The following RPS6KC1 variants were observed in gnomAD, a reference collection of about 807,000 sequenced individuals.
RPS6KC1 encodes the protein ribosomal protein S6 kinase C1.
RPS6KC1 carries 54 observed loss-of-function variants against 103.8 expected under a neutral mutation model. The ratio of observed to expected loss-of-function variants is 0.52; its 90% confidence interval spans 0.42 to 0.65. RPS6KC1 has a LOEUF of 0.65. RPS6KC1 is among the 30% of genes least tolerant of loss of function. The pLI is 0.00. For synonymous variants in RPS6KC1, 439 were observed against 438.7 expected, an observed-to-expected ratio of 1.00 and a Z score of -0.01; for missense variants, 1,151 against 1,253.8, an observed-to-expected ratio of 0.92 and a Z score of 1.24.
chr1:213,496,162 A>G, the RPS6KC1 span, among the ~76,000 whole-genome samples: 1 of 152,336 alleles, frequency 6.6e-6, no homozygotes, highest in South Asian at 2.1e-4. Context: ...CAAATATTAG[A>G]AAATAAAGAC....
chr1:213,602,001 CT>C, the RPS6KC1 span, among the ~76,000 whole-genome samples: 119 of 35,522 alleles, frequency 3.4e-3, 21 homozygotes, highest in African/African-American at 1.0e-2. Context: ...TCTTTCTTTT[CT>C]TTTCTTTTCT....
chr1:213,499,406 C>T, the RPS6KC1 span, among the ~76,000 whole-genome samples: 276 of 152,238 alleles, frequency 1.8e-3, 1 homozygote, highest in South Asian at 9.1e-3. Flanking sequence ...ACAATTTTTC[C>T]GTAGTAGGTC....
chr1:213,072,409 A>G (rs1043563420), intron 2 of RPS6KC1, among the ~76,000 whole-genome samples: 1 of 152,118 alleles, frequency 6.6e-6, no homozygotes. Context: ...TTAGCTGGGC[A>G]TGGTGGCAGG....
chr1:213,397,555 G>A, the RPS6KC1 span, among the ~76,000 whole-genome samples: 2 of 149,854 alleles, frequency 1.3e-5, no homozygotes, highest in Non-Finnish European at 3.0e-5. Flanking sequence ...GGGTGTGAGG[G>A]GTGCTGAGGC....
the RPS6KC1 span, among the ~76,000 whole-genome samples, chr1:213,291,692 A>T: frequency 6.6e-6 from 1 of 152,190 alleles, no homozygotes; most frequent in African/African-American, 2.4e-5. Flanking sequence ...TGGGAGTCCG[A>T]GTGAGTTGCT....
chr1:213,329,283 T>C, the RPS6KC1 span, among the ~76,000 whole-genome samples: 1 of 152,016 alleles, frequency 6.6e-6, no homozygotes. Context: ...ACCCATGGAG[T>C]CACAGATTTA....
intron 8 of RPS6KC1, among the ~76,000 whole-genome samples, chr1:213,219,537 C>T (rs902558091): frequency 1.4e-4 from 21 of 152,188 alleles, no homozygotes; most frequent in Non-Finnish European, 2.1e-4. Context: ...ATAACACATG[C>T]TGCTATAAAG....
chr1:213,808,776 G>A, the RPS6KC1 span, among the ~76,000 whole-genome samples: 1 of 152,206 alleles, frequency 6.6e-6, no homozygotes, highest in Non-Finnish European at 1.5e-5. Flanking sequence ...CACACGGTGC[G>A]CTGCACCCAC....
At chr1:213,826,880 C>T in the RPS6KC1 span, among the ~76,000 whole-genome samples, 2,786 of 152,262 alleles carry the variant, frequency 0.018, 37 homozygotes, top group Non-Finnish European at 0.027. Flanking sequence ...CAAGATTTCA[C>T]GACAGGATTT....
At position 213,129,818 on chromosome 1, in the gene RPS6KC1, A is replaced by G; in HGVS notation, c.764A>G (p.Glu255Gly). The G allele has an allele frequency of 6.2e-7, 1 of 1,613,566 alleles. No individual in the cohort carries two copies. Among genetic ancestry groups the G allele is most frequent in the South Asian group, 1.1e-5 (1 of 90,980 alleles). Residue 255 changes from glutamate (E) to glycine (G), a missense_variant, in exon 6 of 15, where the codon GAA (glutamate) becomes GGA (glycine). Physicochemically the swap from Glu to Gly is moderately conservative, Grantham distance 98. Transcript: ENST00000366960. ...ATAAAGCTGGCTTTAAAAAAGGAAG[A>G]AGAAGACGACTATGAAGCTGCTTCT... ...ELIKLALKKE[E>G]EDDYEAASDF...
At chr1:213,137,799 ATTTTTTTTTTTTTTT>A (rs869154560) in intron 6 of RPS6KC1, among the ~76,000 whole-genome samples, 16 of 13,996 alleles carry the variant, frequency 1.1e-3, no homozygotes, top group African/African-American at 2.6e-3. Context: ...ATATATATAT[ATTTTTTTTTTTTTTT>A]TTTTTTTTTT....
At chr1:213,824,992 C>T in the RPS6KC1 span, among the ~76,000 whole-genome samples, 4 of 152,194 alleles carry the variant, frequency 2.6e-5, no homozygotes, top group African/African-American at 4.8e-5. Context: ...CAGCAGGCTT[C>T]TGCCCCCTCC....
At chr1:213,723,129 G>A in the RPS6KC1 span, among the ~76,000 whole-genome samples, 10 of 152,164 alleles carry the variant, frequency 6.6e-5, no homozygotes, top group Non-Finnish European at 1.0e-4. Context: ...GCAGTGAGCC[G>A]AGATCCCGCC....
chr1:213,194,327 AG>A (rs1407971695), intron 8 of RPS6KC1, among the ~76,000 whole-genome samples: 5 of 152,144 alleles, frequency 3.3e-5, no homozygotes, highest in African/African-American at 1.2e-4. Context: ...TTGATAGTTT[AG>A]GACGTACTTC....
the RPS6KC1 span, among the ~76,000 whole-genome samples, chr1:213,808,652 G>C: frequency 6.6e-6 from 1 of 152,226 alleles, no homozygotes; most frequent in Non-Finnish European, 1.5e-5. Context: ...ATTTGGGTGG[G>C]AGTGACCCGA....
At chr1:213,538,031 G>C in the RPS6KC1 span, among the ~76,000 whole-genome samples, 4 of 152,176 alleles carry the variant, frequency 2.6e-5, no homozygotes, top group East Asian at 1.9e-4. Context: ...AGGGGGAAGA[G>C]AGCATGGTCC....
chr1:213,737,365 T>C, the RPS6KC1 span, among the ~76,000 whole-genome samples: 5 of 152,168 alleles, frequency 3.3e-5, no homozygotes, highest in African/African-American at 1.2e-4. Context: ...TAGAACATAC[T>C]CACCATGACC....
chr1:213,817,273 G>A, the RPS6KC1 span, among the ~76,000 whole-genome samples: 2 of 152,198 alleles, frequency 1.3e-5, no homozygotes, highest in Non-Finnish European at 2.9e-5. Context: ...TCCGTCCCTG[G>A]ACCTCCCTGA....
intron 5 of RPS6KC1, among the ~76,000 whole-genome samples, chr1:213,118,629 G>A (rs889679157): frequency 6.6e-6 from 1 of 151,986 alleles, no homozygotes; most frequent in East Asian, 1.9e-4. Context: ...TATTTATTAT[G>A]TGGGCTGGTG....
Sources: gnomAD v4.1 joint callset for allele counts (sites outside exome capture counted in the v4.1 genomes callset) on GRCh38, gnomAD v4.1.1 for gene constraint, MANE v1.5 for transcripts, NCBI Gene and HGNC (gene_info 2026-07-23, HGNC 2026-07-21) for gene names.